Variants in CIMIP6 observed in about 807,000 individuals in gnomAD.
The protein encoded by CIMIP6 is uncharacterized protein C2orf73.
the CIMIP6 span, among the ~76,000 whole-genome samples, chr2:54,369,203 T>G: frequency 6.6e-6 from 1 of 152,084 alleles, no homozygotes; most frequent in Non-Finnish European, 1.5e-5. Context: ...AATTTGTGTG[T>G]GGGGGTGTGT....
At chr2:54,374,691 A>T in the CIMIP6 span, among the ~76,000 whole-genome samples, 1 of 152,258 alleles carries the variant, frequency 6.6e-6, no homozygotes, top group Non-Finnish European at 1.5e-5. Context: ...GATGTAACAC[A>T]GAGGACTTAA....
the CIMIP6 span, among the ~76,000 whole-genome samples, chr2:54,356,198 A>G: frequency 6.6e-6 from 1 of 151,730 alleles, no homozygotes; most frequent in Non-Finnish European, 1.5e-5. Context: ...GATGTTTTTA[A>G]TTCACCAGCA....
the CIMIP6 span, among the ~76,000 whole-genome samples, chr2:54,335,668 G>A: frequency 2.6e-5 from 4 of 152,208 alleles, no homozygotes; most frequent in East Asian, 7.7e-4. Context: ...ACAATTTATT[G>A]TATTAGTTTC....
At chr2:54,384,091 A>G in the CIMIP6 span, among the ~76,000 whole-genome samples, 2 of 152,228 alleles carry the variant, frequency 1.3e-5, no homozygotes, top group East Asian at 3.8e-4. Flanking sequence ...CACAAACCGG[A>G]CTAAGACAAA....
At chr2:54,364,787 T>TA in the CIMIP6 span, among the ~76,000 whole-genome samples, 2 of 152,242 alleles carry the variant, frequency 1.3e-5, no homozygotes, top group Non-Finnish European at 2.9e-5. Context: ...TTAGACTCCT[T>TA]ACTGCCTTAA....
the CIMIP6 span, chr2:54,334,737 T>A: frequency 9.9e-7 from 1 of 1,006,808 alleles, no homozygotes; most frequent in South Asian, 1.7e-5. Context: ...TTGTAGTATA[T>A]TTAAATCTTA....
the CIMIP6 span, among the ~76,000 whole-genome samples, chr2:54,361,969 A>T: frequency 3.3e-5 from 5 of 152,334 alleles, no homozygotes; most frequent in South Asian, 1.0e-3. Flanking sequence ...CACTCCACTC[A>T]TATAACCAGG....
the CIMIP6 span, among the ~76,000 whole-genome samples, chr2:54,346,908 T>C: frequency 6.6e-6 from 1 of 152,254 alleles, no homozygotes; most frequent in Non-Finnish European, 1.5e-5. Flanking sequence ...CACTATGGCC[T>C]ACACGGCCCT....
the CIMIP6 span, among the ~76,000 whole-genome samples, chr2:54,374,068 C>A: frequency 6.6e-6 from 1 of 152,176 alleles, no homozygotes; most frequent in African/African-American, 2.4e-5. Context: ...ACTGCCTAGC[C>A]AATGGCACCC....
At chr2:54,379,654 T>C in the CIMIP6 span, among the ~76,000 whole-genome samples, 3 of 151,162 alleles carry the variant, frequency 2.0e-5, no homozygotes, top group African/African-American at 2.4e-5. Flanking sequence ...CTGGGCAACA[T>C]AGGGAGACCC....
the CIMIP6 span, among the ~76,000 whole-genome samples, chr2:54,380,257 T>C: frequency 6.6e-6 from 1 of 152,232 alleles, no homozygotes; most frequent in Non-Finnish European, 1.5e-5. Context: ...ACTAAATGTA[T>C]ACTTTATTAT....
the CIMIP6 span, among the ~76,000 whole-genome samples, chr2:54,335,969 G>A: frequency 6.6e-6 from 1 of 152,038 alleles, no homozygotes; most frequent in Non-Finnish European, 1.5e-5. Context: ...TGATTAGAAT[G>A]CACCCACCCA....
chr2:54,342,612 G>GTTT, the CIMIP6 span, among the ~76,000 whole-genome samples: 69 of 141,554 alleles, frequency 4.9e-4, 1 homozygote, highest in African/African-American at 1.7e-3. Context: ...AGCCACATAG[G>GTTT]TTTTTTTTTT....
At chr2:54,337,113 T>G in the CIMIP6 span, among the ~76,000 whole-genome samples, 3 of 152,240 alleles carry the variant, frequency 2.0e-5, no homozygotes, top group Non-Finnish European at 2.9e-5. Context: ...CTCAGACCAC[T>G]GTGCCAGTGT....
chr2:54,380,764 C>T, the CIMIP6 span, among the ~76,000 whole-genome samples: 1 of 152,234 alleles, frequency 6.6e-6, no homozygotes, highest in South Asian at 2.1e-4. Flanking sequence ...CAGACATACA[C>T]ATACGCATGA....
At chr2:54,355,160 A>T in the CIMIP6 span, among the ~76,000 whole-genome samples, 1 of 151,536 alleles carries the variant, frequency 6.6e-6, no homozygotes, top group African/African-American at 2.4e-5. Context: ...ATATTAAAAA[A>T]ATTAATTATC....
At chr2:54,338,442 A>G in the CIMIP6 span, among the ~76,000 whole-genome samples, 2 of 42,646 alleles carry the variant, frequency 4.7e-5, 1 homozygote, top group African/African-American at 1.5e-4. Flanking sequence ...CTCTAAAAAC[A>G]AATTTTAAAA....
the CIMIP6 span, among the ~76,000 whole-genome samples, chr2:54,362,257 A>C: frequency 2.0e-5 from 3 of 152,194 alleles, no homozygotes; most frequent in Non-Finnish European, 4.4e-5. Context: ...AAATCACACC[A>C]AGAAGAAAAC....
At chr2:54,330,928 C>G in the CIMIP6 span, 1 of 1,596,690 alleles carries the variant, frequency 6.3e-7, no homozygotes. Context: ...AGGGCTGCGT[C>G]CCTGTTCTTC....
Sources: gnomAD v4.1 joint callset for allele counts (sites outside exome capture counted in the v4.1 genomes callset) on GRCh38, gnomAD v4.1.1 for gene constraint, MANE v1.5 for transcripts, NCBI Gene and HGNC (gene_info 2026-07-23, HGNC 2026-07-21) for gene names.